CPED1: variants seen among roughly 807,000 people sequenced by gnomAD.
The protein encoded by CPED1 is cadherin-like and PC-esterase domain-containing protein 1.
In CPED1, 114 loss-of-function variants were observed where a neutral mutation model predicts 128.2. The ratio of observed to expected loss-of-function variants is 0.89; its 90% confidence interval spans 0.76 to 1.04. CPED1 has a LOEUF of 1.04. Ranked by LOEUF, CPED1 falls within the 50% of genes least tolerant of loss-of-function variation. The probability of loss-of-function intolerance (pLI) is 0.00; values close to 1 mark genes in which losing one functional copy is unlikely to be tolerated. For missense variants in CPED1, 1,211 were observed against 1,207.1 expected (o/e 1.00, Z -0.05); for synonymous variants, 462 against 426.7 (o/e 1.08, Z -1.02).
intron 16 of CPED1, among the ~76,000 whole-genome samples, chr7:121,202,815 C>CA: frequency 2.6e-5 from 4 of 152,208 alleles, no homozygotes; most frequent in Middle Eastern, 6.8e-3. Context: ...AATTAACAAT[C>CA]ATGCCAAAAA....
At chr7:121,213,669 A>G (rs1797697632) in intron 16 of CPED1, among the ~76,000 whole-genome samples, 1 of 152,090 alleles carries the variant, frequency 6.6e-6, no homozygotes, top group Non-Finnish European at 1.5e-5. Context: ...CTTACAGGTT[A>G]GAATATTATT....
intron 5 of CPED1, among the ~76,000 whole-genome samples, chr7:121,086,414 A>C (rs1419328871): frequency 6.6e-6 from 1 of 152,218 alleles, no homozygotes; most frequent in Admixed American, 6.5e-5. Context: ...GTTGTTTAAA[A>C]GCCATTGAAA....
At chr7:121,139,573 T>C (rs941154144) in intron 14 of CPED1, among the ~76,000 whole-genome samples, 3 of 151,980 alleles carry the variant, frequency 2.0e-5, no homozygotes, top group African/African-American at 7.2e-5. Flanking sequence ...GCACAAAGAC[T>C]GGGCAAAATG....
chr7:121,086,595 T>A (rs1427279141), intron 5 of CPED1, among the ~76,000 whole-genome samples: 1 of 152,174 alleles, frequency 6.6e-6, no homozygotes. Context: ...CTCAGACTCC[T>A]GGGACTGGTA....
At chr7:121,285,862 T>C (rs1209337203) in intron 22 of CPED1, among the ~76,000 whole-genome samples, 1 of 152,212 alleles carries the variant, frequency 6.6e-6, no homozygotes, top group African/African-American at 2.4e-5. Context: ...TTCCAACCTC[T>C]GCCTGTTAGC....
At chr7:121,009,296 G>A (rs1405678865) in intron 2 of CPED1, among the ~76,000 whole-genome samples, 1 of 151,740 alleles carries the variant, frequency 6.6e-6, no homozygotes, top group African/African-American at 2.4e-5. Context: ...AGAGGCTGAG[G>A]AAAAAGGAGG....
intron 5 of CPED1, among the ~76,000 whole-genome samples, chr7:121,074,509 G>GGTTTTTTT (rs1554430601): frequency 1.2e-5 from 1 of 80,838 alleles, no homozygotes; most frequent in Non-Finnish European, 2.3e-5. Flanking sequence ...TTTCCTTTGT[G>GGTTTTTTT]TTTTTTTTTT....
chr7:121,035,531 G>C (rs1248589352), intron 3 of CPED1, among the ~76,000 whole-genome samples: 1 of 152,024 alleles, frequency 6.6e-6, no homozygotes, highest in Non-Finnish European at 1.5e-5. Context: ...CTATAGCTTT[G>C]ATGATTAAAA....
intron 18 of CPED1, among the ~76,000 whole-genome samples, chr7:121,263,904 G>A (rs1157614325): frequency 6.6e-6 from 1 of 151,988 alleles, no homozygotes; most frequent in Non-Finnish European, 1.5e-5. Flanking sequence ...CTATCGTTAT[G>A]GACTGAATTG....
intron 3 of CPED1, among the ~76,000 whole-genome samples, chr7:121,027,964 C>T (rs1296023135): frequency 2.6e-5 from 4 of 152,004 alleles, no homozygotes; most frequent in Non-Finnish European, 4.4e-5. Context: ...AGGCGACTCT[C>T]GGGGACCTGA....
intron 7 of CPED1, among the ~76,000 whole-genome samples, chr7:121,107,887 G>C (rs1255723123): frequency 1.3e-5 from 2 of 152,090 alleles, no homozygotes; most frequent in Admixed American, 1.3e-4. Flanking sequence ...AGGTAAAACT[G>C]ATTTGTCTGC....
At position 121,031,020 on chromosome 7, in the gene CPED1, C is replaced by G. The variant is rs540184873; in HGVS notation, c.433+15172C>G. ...ATAAATGGTGGAGTTGACGCTTGACCCAAGGGTCAGTTTATCATCAAACCT... is the reference window on the plus strand; with the variant it reads ...ATAAATGGTGGAGTTGACGCTTGACGCAAGGGTCAGTTTATCATCAAACCT... On this transcript the variant is annotated intron_variant, in intron 3 of 22. Transcript: ENST00000310396. 8.5e-5 allele frequency among the ~76,000 whole-genome samples: 13 copies of G among 152,268 alleles called. No individual in the cohort carries two copies. The East Asian group carries it at 2.5e-3, about 29-fold the overall frequency.
At chr7:121,262,510 ACT>A (rs35572062) in intron 18 of CPED1, among the ~76,000 whole-genome samples, 10,173 of 151,782 alleles carry the variant, frequency 0.067, 1,101 homozygotes, top group African/African-American at 0.23. Flanking sequence ...TAGATGCAAA[ACT>A]CTTCTAAACA....
At chr7:120,996,497 T>C (rs1796407949) in intron 2 of CPED1, among the ~76,000 whole-genome samples, 1 of 152,158 alleles carries the variant, frequency 6.6e-6, no homozygotes, top group Non-Finnish European at 1.5e-5. Context: ...TGTTGCTTCC[T>C]CTTCTCCTTG....
intron 16 of CPED1, among the ~76,000 whole-genome samples, chr7:121,171,522 A>G (rs1394987187): frequency 6.6e-6 from 1 of 152,222 alleles, no homozygotes. Context: ...AAAAATATAC[A>G]GTGCTGTTAT....
intron 17 of CPED1, among the ~76,000 whole-genome samples, chr7:121,243,337 CAAAA>C (rs1032328783): frequency 6.6e-5 from 10 of 151,796 alleles, no homozygotes; most frequent in East Asian, 3.9e-4. Context: ...GAAAAAAAAA[CAAAA>C]AAATTATATT....
chr7:121,060,543 T>G (rs1395920631), intron 4 of CPED1, among the ~76,000 whole-genome samples: 1 of 152,172 alleles, frequency 6.6e-6, no homozygotes. Context: ...AATGCACCAG[T>G]CCACTCTGTA....
intron 3 of CPED1, among the ~76,000 whole-genome samples, chr7:121,043,945 C>T (rs1443702359): frequency 6.6e-6 from 1 of 152,174 alleles, no homozygotes; most frequent in South Asian, 2.1e-4. Flanking sequence ...GCATTTGCCT[C>T]CTAAATGCTC....
chr7:121,260,158 A>G (rs1400885537), intron 18 of CPED1, among the ~76,000 whole-genome samples: 1 of 151,132 alleles, frequency 6.6e-6, no homozygotes, highest in Non-Finnish European at 1.5e-5. Context: ...ATGTAGACAA[A>G]TAATTTTGTT....
Sources: gnomAD v4.1 joint callset for allele counts (sites outside exome capture counted in the v4.1 genomes callset) on GRCh38, gnomAD v4.1.1 for gene constraint, MANE v1.5 for transcripts, NCBI Gene and HGNC (gene_info 2026-07-23, HGNC 2026-07-21) for gene names.